RBBP5: variants seen among roughly 807,000 people sequenced by gnomAD.
RBBP5 encodes the protein retinoblastoma-binding protein 5.
A neutral mutation model predicts 72.2 loss-of-function variants in RBBP5; 5 were observed. The ratio of observed to expected loss-of-function variants is 0.07; its 90% CI spans 0.04 to 0.15. The LOEUF (loss-of-function observed/expected upper bound fraction) is 0.15, where lower values mean the gene tolerates loss of function less well. Among genes scored for constraint, RBBP5 ranks in the 10% least tolerant of loss-of-function variants. The pLI, the probability that RBBP5 is intolerant of heterozygous loss-of-function variation, is 1.00. For missense variants in RBBP5, 322 were observed against 652.2 expected, an observed-to-expected ratio of 0.49 and a Z score of 5.51; for synonymous variants, 209 against 237.2, an observed-to-expected ratio of 0.88 and a Z score of 1.09.
At chr1:205,115,762 C>T in intron 2 of RBBP5, 96 bp downstream of exon 2, 1 of 1,382,412 alleles carries the variant, frequency 7.2e-7, no homozygotes, top group Non-Finnish European at 9.6e-7. Flanking sequence ...TAATGCTTCT[C>T]TGTCAAAACA....
intron 5 of RBBP5, among the ~76,000 whole-genome samples, chr1:205,103,024 A>G (rs1337346832): frequency 2.0e-5 from 3 of 150,200 alleles, no homozygotes; most frequent in African/African-American, 7.4e-5. Flanking sequence ...TTGCCTTTCT[A>G]AGGCCGGGTG....
intron 13 of RBBP5, among the ~76,000 whole-genome samples, chr1:205,090,554 G>A (rs900951640): frequency 2.6e-5 from 4 of 152,164 alleles, no homozygotes; most frequent in Non-Finnish European, 5.9e-5. Context: ...AAGATACACA[G>A]AACTAGCAAT....
chr1:205,100,132 T>C lies in RBBP5; in HGVS notation c.752+20A>G, dbSNP rs376479748. 3.2e-5 allele frequency: 51 copies of C among 1,614,104 alleles called. No individual in the cohort carries two copies. The highest frequency in any genetic ancestry group is 4.2e-5 in the Non-Finnish European group (50 of 1,180,036). On this transcript the variant is annotated intron_variant, in intron 7 of 13. Coordinates refer to ENST00000264515, the MANE Select transcript of RBBP5 (RefSeq NM_005057.4). ...CCAGGTCATGAATGATCACATATTC[T>C]TCTAGGTTGTGATACATACCTATTC...
chr1:205,111,920 C>A (rs533324919), intron 3 of RBBP5, among the ~76,000 whole-genome samples: 1 of 152,092 alleles, frequency 6.6e-6, no homozygotes, highest in Non-Finnish European at 1.5e-5. Flanking sequence ...ACCTGTAGTT[C>A]CCCATTGTAC....
rs368141353 is a variant in RBBP5, at chr1:205,105,542, AT to A, written c.219-375del. ...ATCATGGTATAAACAAAACAAAAAA[AT>A]GATAAGTATCTGTTATTTAAAATAA... is the stretch of plus-strand genomic sequence containing the variant. On this transcript the variant is annotated intron_variant, in intron 3 of 13. Transcript: ENST00000264515. 5.7e-3 allele frequency among the ~76,000 whole-genome samples: 866 copies of A among 152,386 alleles called. 12 individuals are homozygous for A. Among genetic ancestry groups the A allele is most frequent in the African/African-American group, 0.02 (835 of 41,586 alleles).
chr1:205,116,303 C>T (rs756088200), intron 1 of RBBP5: 1 of 375,078 alleles, frequency 2.7e-6, no homozygotes, highest in Non-Finnish European at 5.4e-6. Context: ...ATATAATATG[C>T]TTTAAAAATA....
chr1:205,098,901 G>A, intron 10 of RBBP5, 88 bp downstream of exon 10: 2 of 797,270 alleles, frequency 2.5e-6, no homozygotes, highest in Middle Eastern at 2.9e-4. Context: ...ATGAAGTGCT[G>A]AAATAAATTT....
rs1258299123 is a variant in RBBP5, at chr1:205,088,511, A to G, written c.*276T>C. On this transcript the variant is annotated 3_prime_UTR_variant, in exon 14 of 14. Coordinates refer to ENST00000264515, the MANE Select transcript of RBBP5 (RefSeq NM_005057.4). ...CTTTTCTCCAGCAACATAACTAAGC[A>G]TCAAAGTTTAAATGAGTCAAAATTC... 2.6e-5 allele frequency: 11 copies of G among 425,306 alleles called. No individual in the cohort carries two copies. Among genetic ancestry groups the G allele is most frequent in the Admixed American group, 4.6e-5 (1 of 21,888 alleles). The allele number at this position is 425,306 out of a possible 1,614,324, so 26.3% of individuals were successfully genotyped here.
intron 1 of RBBP5, 84 bp downstream of exon 1, chr1:205,121,771 T>C (rs1656745907): frequency 2.5e-6 from 4 of 1,595,258 alleles, no homozygotes; most frequent in South Asian, 2.2e-5. Flanking sequence ...GTCCCTAAGA[T>C]TGCAGCCTGA....
intron 3 of RBBP5, 141 bp from the exon 4 acceptor site, chr1:205,105,309 C>A (rs1490100592): frequency 1.2e-5 from 11 of 883,908 alleles, no homozygotes; most frequent in South Asian, 6.1e-5. Context: ...ATACTCAAAT[C>A]CATAAGCTTT....
At chr1:205,093,457 T>TAAAAAAAAAAA (rs1655434612) in intron 13 of RBBP5, among the ~76,000 whole-genome samples, 1 of 11,718 alleles carries the variant, frequency 8.5e-5, no homozygotes, top group African/African-American at 3.2e-4. Context: ...AAACTCCGTT[T>TAAAAAAAAAAA]CAAAAAAAAA....
intron 5 of RBBP5, 136 bp from the exon 6 acceptor site, chr1:205,101,845 CT>C (rs1655835126): frequency 1.8e-6 from 1 of 546,348 alleles, no homozygotes; most frequent in Admixed American, 3.7e-5. Flanking sequence ...ACCTGATTAA[CT>C]GGTATTGCTG....
intron 10 of RBBP5, 90 bp from the exon 11 acceptor site, chr1:205,097,485 A>G: frequency 8.0e-7 from 1 of 1,246,326 alleles, no homozygotes; most frequent in Non-Finnish European, 1.1e-6. Flanking sequence ...TTGAAATTCC[A>G]GAGAAACAAA....
intron 1 of RBBP5, among the ~76,000 whole-genome samples, chr1:205,118,837 G>GTGTGCAATA (rs1656628118): frequency 6.6e-6 from 1 of 152,144 alleles, no homozygotes; most frequent in African/African-American, 2.4e-5. Flanking sequence ...TGAATACACA[G>GTGTGCAATA]CAGGGACTCA....
rs967314628 is a variant in RBBP5, at chr1:205,088,172, T to C, written c.*615A>G. 1.3e-5 allele frequency: 2 copies of C among 152,250 alleles called. No homozygotes were observed. The highest frequency in any genetic ancestry group is 4.8e-5 in the African/African-American group (2 of 41,462). The allele number at this position is 152,250 out of a possible 1,614,324, so 9.4% of individuals were successfully genotyped here. ...AAACCCTGAATTGTTACAGCCCAGC[T>C]TCTTGAGCAAAACGTGGTATGAGAG... On this transcript the variant is annotated 3_prime_UTR_variant, in exon 14 of 14. Transcript: ENST00000264515.
At chr1:205,110,025 CTGTTT>C (rs1277843793) in intron 3 of RBBP5, among the ~76,000 whole-genome samples, 1 of 151,736 alleles carries the variant, frequency 6.6e-6, no homozygotes, top group Non-Finnish European at 1.5e-5. Flanking sequence ...CCTACTAGTT[CTGTTT>C]TGTTTTTTGG....
chr1:205,120,990 G>C (rs952041771), intron 1 of RBBP5, among the ~76,000 whole-genome samples: 5 of 152,288 alleles, frequency 3.3e-5, no homozygotes, highest in Admixed American at 6.5e-5. Context: ...CCTGCTTAAT[G>C]AAAAGCTCTT....
rs1342221220 is a variant in RBBP5, at chr1:205,114,792, A to G, written c.215T>C (p.Leu72Ser). Residue 72 changes from leucine (L) to serine (S), a missense_variant, in exon 3 of 14, where the codon TTA becomes TCA. By Grantham distance (145) the Leu-to-Ser change is moderately radical (BLOSUM62 -2). Around this residue, in one of 6 missense-constraint regions of RBBP5, gnomAD observed 161 missense variants for 327.8 expected, o/e 0.49. Transcript: ENST00000264515. ...TATTAATTAAAAAATGTCTTACCAT[A>G]AAGAACACACTGGATGGATGTGTGC... ...ISAHIHPVCS[L>S]CWSRDGHKLV... 1 of 1,526,554 alleles carries G rather than the reference A, an allele frequency of 6.6e-7. No homozygotes were observed. Among genetic ancestry groups the G allele is most frequent in the Non-Finnish European group, 8.8e-7 (1 of 1,135,900 alleles). 94.6% of individuals were successfully genotyped at this position (1,526,554 alleles called of 1,614,324 possible).
intron 1 of RBBP5, among the ~76,000 whole-genome samples, chr1:205,118,322 A>C (rs1005120264): frequency 6.6e-6 from 1 of 152,094 alleles, no homozygotes; most frequent in Non-Finnish European, 1.5e-5. Context: ...AATAGATTAG[A>C]AAATATCGGC....
Sources: gnomAD v4.1 joint callset for allele counts (sites outside exome capture counted in the v4.1 genomes callset) on GRCh38, gnomAD v4.1.1 for gene constraint, gnomAD v4.1.1 regional missense constraint, MANE v1.5 for transcripts, NCBI Gene and HGNC (gene_info 2026-07-23, HGNC 2026-07-21) for gene names.